The following MICAL2 variants were observed in gnomAD, a reference collection of about 807,000 sequenced individuals.
MICAL2 encodes [F-actin]-monooxygenase MICAL2.
In MICAL2, 77 loss-of-function variants were observed where a neutral mutation model predicts 127.3. The ratio of observed to expected loss-of-function variants is 0.60; its 90% CI spans 0.50 to 0.73. MICAL2 has a LOEUF of 0.73. Among genes scored for constraint, MICAL2 ranks in the 30% least tolerant of loss-of-function variants. MICAL2 has a pLI of 0.00. For missense variants in MICAL2, 1,351 were observed against 1,434.4 expected (o/e 0.94, Z 0.94); for synonymous variants, 570 against 551.1 (o/e 1.03, Z -0.48).
At chr11:12,298,935 G>A (rs1275028946) in intron 29 of MICAL2, among the ~76,000 whole-genome samples, 9 of 151,936 alleles carry the variant, frequency 5.9e-5, no homozygotes, top group Non-Finnish European at 1.2e-4. Context: ...TAACATTTTT[G>A]CATTTAATTC....
chr11:12,201,458 G>A (rs1327547514), intron 3 of MICAL2, among the ~76,000 whole-genome samples: 1 of 151,494 alleles, frequency 6.6e-6, no homozygotes, highest in Non-Finnish European at 1.5e-5. Flanking sequence ...AGATGCCTCT[G>A]CAATGTCAAG....
chr11:12,233,267 G>A (rs1858551835), intron 15 of MICAL2, among the ~76,000 whole-genome samples: 1 of 152,180 alleles, frequency 6.6e-6, no homozygotes, highest in Non-Finnish European at 1.5e-5. Context: ...CAAAGTAGTT[G>A]GATGGTTTTC....
In MICAL2 at chr11:12,204,166, C is replaced by T. The variant is rs935445911; in HGVS notation, c.265-84C>T. 4.5e-5 allele frequency: 60 copies of T among 1,320,668 alleles called. No homozygotes were observed. The African/African-American group carries it at 6.1e-4, about 13-fold the overall frequency. 81.8% of individuals were successfully genotyped at this position (1,320,668 alleles called of 1,614,324 possible). On this transcript the variant is annotated intron_variant, in intron 3 of 27. Coordinates refer to ENST00000683283, the MANE Select transcript of MICAL2 (RefSeq NM_001282663.2). ...GTTGGTTCAGGAAGAGTGGGATTTG[C>T]GCTTCAGTTTTCCTGCTGACTGGGG...
At chr11:12,330,894 A>AGT (rs1435601274) in intron 32 of MICAL2, among the ~76,000 whole-genome samples, 4 of 124,216 alleles carry the variant, frequency 3.2e-5, no homozygotes, top group Non-Finnish European at 3.4e-5. Context: ...AGAGAGAGAG[A>AGT]GAGAGAGTGT....
intron 29 of MICAL2, among the ~76,000 whole-genome samples, chr11:12,305,054 G>A (rs1464860199): frequency 1.3e-5 from 2 of 152,046 alleles, no homozygotes; most frequent in Non-Finnish European, 2.9e-5. Context: ...TTATCCACAG[G>A]GGGTACGTTC....
chr11:12,123,088 A>G (rs1564988855), intron 1 of MICAL2, among the ~76,000 whole-genome samples: 1 of 152,172 alleles, frequency 6.6e-6, no homozygotes. Context: ...TGAAAGATAT[A>G]CCATTATTTC....
At chr11:12,301,176 G>A (rs369421178) in intron 29 of MICAL2, among the ~76,000 whole-genome samples, 1 of 152,150 alleles carries the variant, frequency 6.6e-6, no homozygotes. Context: ...GCACAGGAAA[G>A]ACCAGCCCCC....
intron 32 of MICAL2, among the ~76,000 whole-genome samples, chr11:12,337,962 T>C (rs1196701858): frequency 6.6e-6 from 1 of 152,234 alleles, no homozygotes; most frequent in Non-Finnish European, 1.5e-5. Flanking sequence ...TGTAGGTGTC[T>C]AGTAGGTCCG....
Position 12,224,673 on chromosome 11 carries a change from A to G in MICAL2, c.1541A>G (p.Glu514Gly), listed in dbSNP as rs778512751. Residue 514 changes from glutamate (E) to glycine (G), a missense_variant and splice_region_variant, in exon 13 of 28, where the codon GAG (glutamate) becomes GGG (glycine). Coordinates refer to ENST00000683283, the MANE Select transcript of MICAL2 (RefSeq NM_001282663.2). ...ACTGCCTGCGCTCTCCTTCTTGCAG[A>G]GTCAGATATCCGGCCCAGCAAGCTC... ...VRRSVNLSRK[E>G]SDIRPSKLLT... 6.2e-7 allele frequency: 1 copy of G among 1,613,416 alleles called. No homozygotes were observed. Among genetic ancestry groups the G allele is most frequent in the Non-Finnish European group, 8.5e-7 (1 of 1,179,528 alleles).
chr11:12,147,797 G>T (rs7107857), intron 2 of MICAL2, among the ~76,000 whole-genome samples: 152,338 of 152,344 alleles, frequency 1, 76,166 homozygotes, highest in Non-Finnish European at 1. Flanking sequence ...TGGCTAGTGG[G>T]TCCCAAAGTT....
At chr11:12,204,519 C>G in intron 4 of MICAL2, 62 bp downstream of exon 4, 1 of 1,527,312 alleles carries the variant, frequency 6.5e-7, no homozygotes, top group African/African-American at 1.4e-5. Flanking sequence ...TGGGACATAT[C>G]TCTCCAGGTC....
intron 22 of MICAL2, chr11:12,249,871 C>T (rs1861307526): frequency 6.6e-6 from 1 of 152,296 alleles, no homozygotes; most frequent in Non-Finnish European, 1.5e-5. Context: ...CTTTTTCCTG[C>T]ATTCGCAGTT....
At chr11:12,302,531 CTT>C (rs1288500133) in intron 29 of MICAL2, among the ~76,000 whole-genome samples, 1 of 152,112 alleles carries the variant, frequency 6.6e-6, no homozygotes, top group Admixed American at 6.5e-5. Context: ...TTTTGCATAA[CTT>C]TTCACATGCT....
At chr11:12,224,904 C>G in intron 13 of MICAL2, 84 bp downstream of exon 13, 1 of 1,458,330 alleles carries the variant, frequency 6.9e-7, no homozygotes, top group Non-Finnish European at 9.4e-7. Context: ...TTACTTGGTT[C>G]AATATTTCTC....
chr11:12,344,417 C>T (rs530153992), intron 32 of MICAL2, among the ~76,000 whole-genome samples: 3 of 151,110 alleles, frequency 2.0e-5, no homozygotes, highest in South Asian at 2.1e-4. Flanking sequence ...GCACATTTTC[C>T]GTTTTTCATA....
intron 14 of MICAL2, among the ~76,000 whole-genome samples, chr11:12,226,651 G>GGTTTTTTTTTTTTTTTTT (rs397978478): frequency 7.9e-6 from 1 of 126,370 alleles, no homozygotes. Flanking sequence ...TTTGTTTTTG[G>GGTTTTTTTTTTTTTTTTT]TTTTTTTTTT....
At chr11:12,115,978 CTT>C (rs1201204008) in intron 1 of MICAL2, among the ~76,000 whole-genome samples, 4 of 134,680 alleles carry the variant, frequency 3.0e-5, no homozygotes, top group Admixed American at 7.6e-5. Flanking sequence ...CTTTCCCTTT[CTT>C]TTTTTTTTTT....
intron 15 of MICAL2, among the ~76,000 whole-genome samples, chr11:12,230,232 C>T (rs534407802): frequency 1.3e-5 from 2 of 152,178 alleles, no homozygotes; most frequent in African/African-American, 4.8e-5. Context: ...TTGACCTCAA[C>T]ATTTCCCATT....
chr11:12,234,722 G>C (rs1472375206), intron 15 of MICAL2, among the ~76,000 whole-genome samples: 1 of 152,194 alleles, frequency 6.6e-6, no homozygotes, highest in Non-Finnish European at 1.5e-5. Flanking sequence ...GGCAGGGGAT[G>C]ATGAAGAGGA....
Sources: allele counts gnomAD v4.1 joint callset (sites outside exome capture counted in the v4.1 genomes callset), GRCh38; gene constraint gnomAD v4.1.1; transcripts MANE v1.5; gene names NCBI Gene and HGNC (gene_info 2026-07-23, HGNC 2026-07-21).